SPAG16: variants seen among roughly 807,000 people sequenced by gnomAD.
SPAG16 encodes sperm associated antigen 16.
SPAG16 carries 86 observed loss-of-function variants against 80.4 expected under a neutral mutation model. The observed-to-expected ratio is 1.07, with a 90% CI of 0.90 to 1.28. SPAG16 has a LOEUF of 1.28. Among genes scored for constraint, SPAG16 ranks in the 50% most tolerant of loss-of-function variants. The probability of loss-of-function intolerance (pLI) is 0.00; values close to 1 mark genes in which losing one functional copy is unlikely to be tolerated. For synonymous variants in SPAG16, 294 were observed against 265.9 expected, an observed-to-expected ratio of 1.11 and a Z score of -1.03; for missense variants, 870 against 765.3, an observed-to-expected ratio of 1.14 and a Z score of -1.61.
intron 7 of SPAG16, among the ~76,000 whole-genome samples, chr2:213,355,932 ATCGTTGT>A (rs1292271956): frequency 1.3e-5 from 2 of 152,170 alleles, no homozygotes; most frequent in Admixed American, 6.5e-5. Flanking sequence ...GAGAGAGGGC[ATCGTTGT>A]CTTGTGCCAG....
chr2:213,317,328 G>T lies in SPAG16; in HGVS notation c.508G>T (p.Asp170Tyr), dbSNP rs773375619. ...AAATGAGAACAAAAATTTAAAGAAA[G>T]ATTTGAAGCACTACAAACAAGCAGC... The part of the protein sequence containing the change: ...LENENKNLKK[D>Y]LKHYKQAADK... The change falls in exon 5 of 16, where the codon GAT (aspartate) becomes TAT (tyrosine). Residue 170 changes from aspartate (D) to tyrosine (Y), a missense_variant. Coordinates refer to ENST00000331683, the MANE Select transcript of SPAG16 (RefSeq NM_024532.5). 2.5e-6 allele frequency: 4 copies of T among 1,610,228 alleles called. No individual in the cohort carries two copies. The highest frequency in any genetic ancestry group is 3.4e-6 in the Non-Finnish European group (4 of 1,177,934).
chr2:214,356,732 A>C (rs1387779978), intron 15 of SPAG16, among the ~76,000 whole-genome samples: 1 of 151,912 alleles, frequency 6.6e-6, no homozygotes, highest in Non-Finnish European at 1.5e-5. Context: ...CTCACGCCAC[A>C]GTTTTCTCTC....
At chr2:213,577,815 A>C (rs1470836126) in intron 10 of SPAG16, among the ~76,000 whole-genome samples, 1 of 152,140 alleles carries the variant, frequency 6.6e-6, no homozygotes, top group Non-Finnish European at 1.5e-5. Flanking sequence ...ACAAATGCTG[A>C]GACTTCTGAG....
At chr2:213,802,410 T>C (rs2071471183) in intron 10 of SPAG16, among the ~76,000 whole-genome samples, 1 of 96,608 alleles carries the variant, frequency 1.0e-5, no homozygotes, top group South Asian at 4.2e-4. Flanking sequence ...TCTATCTATC[T>C]ATCTATCTAT....
Position 213,375,003 on chromosome 2 carries a change from C to A in SPAG16, c.833-7C>A. 6.4e-7 allele frequency: 1 copy of A among 1,571,936 alleles called. No individual in the cohort carries two copies. The highest frequency in any genetic ancestry group is 8.7e-7 in the Non-Finnish European group (1 of 1,151,276). ...AAATATTAAGAATAAATTATATTAT[C>A]TTGTAGTTGATCATAGTCGTGAAAA... On this transcript the variant is annotated splice_polypyrimidine_tract_variant and splice_region_variant and intron_variant, in intron 8 of 15. Coordinates refer to ENST00000331683, the MANE Select transcript of SPAG16 (RefSeq NM_024532.5).
At chr2:214,024,425 T>C (rs569518613) in intron 13 of SPAG16, among the ~76,000 whole-genome samples, 12 of 151,802 alleles carry the variant, frequency 7.9e-5, no homozygotes, top group Non-Finnish European at 1.5e-4. Context: ...ATTTAATTCC[T>C]TTTGTATTCC....
At chr2:213,612,339 G>T (rs1035475749) in intron 10 of SPAG16, among the ~76,000 whole-genome samples, 1 of 152,074 alleles carries the variant, frequency 6.6e-6, no homozygotes, top group Non-Finnish European at 1.5e-5. Context: ...AGTGCCCTAG[G>T]ATAAGTTATT....
chr2:213,816,279 C>A (rs560930624), intron 10 of SPAG16, among the ~76,000 whole-genome samples: 13 of 152,196 alleles, frequency 8.5e-5, no homozygotes, highest in Non-Finnish European at 1.8e-4. Flanking sequence ...TATAAGAATG[C>A]TTTTATATGA....
chr2:213,804,631 C>T (rs1193340510), intron 10 of SPAG16, among the ~76,000 whole-genome samples: 2 of 152,130 alleles, frequency 1.3e-5, no homozygotes, highest in Non-Finnish European at 2.9e-5. Context: ...TGCAGTGAGC[C>T]GAGATCGCGC....
At chr2:213,908,711 A>G (rs76254801) in intron 11 of SPAG16, among the ~76,000 whole-genome samples, 6,293 of 151,492 alleles carry the variant, frequency 0.042, 161 homozygotes, top group East Asian at 0.083. Flanking sequence ...ACTTGGATAT[A>G]GTCACTGATT....
intron 10 of SPAG16, among the ~76,000 whole-genome samples, chr2:213,811,247 CATTT>C (rs2072132332): frequency 6.6e-6 from 1 of 152,104 alleles, no homozygotes; most frequent in Non-Finnish European, 1.5e-5. Context: ...AAATCTCTTT[CATTT>C]ATTAATGACT....
intron 10 of SPAG16, among the ~76,000 whole-genome samples, chr2:213,603,677 A>G (rs1029850026): frequency 6.6e-6 from 1 of 152,200 alleles, no homozygotes; most frequent in African/African-American, 2.4e-5. Flanking sequence ...AAACTATTTA[A>G]AAGACTAAAT....
intron 9 of SPAG16, among the ~76,000 whole-genome samples, chr2:213,389,619 T>C (rs2067633535): frequency 1.3e-5 from 2 of 152,132 alleles, no homozygotes; most frequent in South Asian, 4.1e-4. Context: ...GATATATAAA[T>C]GGTAAAGTAC....
chr2:213,411,494 A>G (rs1412674574), intron 9 of SPAG16, among the ~76,000 whole-genome samples: 1 of 152,238 alleles, frequency 6.6e-6, no homozygotes, highest in Non-Finnish European at 1.5e-5. Context: ...AGCCTTAGAC[A>G]TGATATTAGC....
chr2:213,293,095 C>T (rs906896231), intron 1 of SPAG16, among the ~76,000 whole-genome samples: 2 of 152,146 alleles, frequency 1.3e-5, no homozygotes, highest in African/African-American at 2.4e-5. Flanking sequence ...CCATGCTGCT[C>T]TTGTGATAAT....
chr2:214,084,449 C>T lies in SPAG16; in HGVS notation c.1528-23747C>T, dbSNP rs532460138. Among the ~76,000 whole-genome samples, 26 of 152,224 alleles carry T rather than the reference C, an allele frequency of 1.7e-4. 1 individual carries two copies. The South Asian group carries it at 5.4e-3, about 32-fold the overall frequency. On this transcript the variant is annotated intron_variant, in intron 13 of 15. Coordinates refer to ENST00000331683, the MANE Select transcript of SPAG16 (RefSeq NM_024532.5). ...TTCTCACACCTTACAACATGAACTC[C>T]CCCTAAACCAATGGAAATACCTCAT...
chr2:214,288,870 G>A (rs1693582989), intron 15 of SPAG16, among the ~76,000 whole-genome samples: 3 of 152,040 alleles, frequency 2.0e-5, no homozygotes, highest in East Asian at 1.9e-4. Flanking sequence ...CCCGGTTCAC[G>A]CCATTCTTCT....
chr2:213,561,638 C>T (rs1258332496), intron 10 of SPAG16, among the ~76,000 whole-genome samples: 1 of 152,150 alleles, frequency 6.6e-6, no homozygotes, highest in East Asian at 1.9e-4. Context: ...ACATGAAGAG[C>T]AATAGGATTC....
At chr2:213,547,287 T>C (rs111952440) in intron 10 of SPAG16, among the ~76,000 whole-genome samples, 36 of 152,064 alleles carry the variant, frequency 2.4e-4, no homozygotes, top group Non-Finnish European at 5.0e-4. Context: ...CCAGTAAAAA[T>C]AGTCATGGTG....
Sources: allele counts gnomAD v4.1 joint callset (sites outside exome capture counted in the v4.1 genomes callset), GRCh38; gene constraint gnomAD v4.1.1; transcripts MANE v1.5; gene names NCBI Gene and HGNC (gene_info 2026-07-23, HGNC 2026-07-21).